EYA2: variants seen among roughly 807,000 people sequenced by gnomAD.
EYA2 encodes the protein EYA transcriptional coactivator and phosphatase 2.
In EYA2, 31 loss-of-function variants were observed where a neutral mutation model predicts 69.2. The ratio of observed to expected loss-of-function variants is 0.45; its 90% confidence interval spans 0.34 to 0.60. The LOEUF is 0.60. Among genes scored for constraint, EYA2 ranks in the 20% least tolerant of loss-of-function variants. The probability of loss-of-function intolerance (pLI) is 0.02; values close to 1 mark genes in which losing one functional copy is unlikely to be tolerated. For synonymous variants in EYA2, 257 were observed against 279.4 expected, an observed-to-expected ratio of 0.92 and a Z score of 0.80; for missense variants, 622 against 701.2, an observed-to-expected ratio of 0.89 and a Z score of 1.28.
chr20:46,963,920 G>A (rs1300305774), intron 1 of EYA2, among the ~76,000 whole-genome samples: 1 of 152,248 alleles, frequency 6.6e-6, no homozygotes, highest in Non-Finnish European at 1.5e-5. Context: ...GACAGAGAGA[G>A]ATGAGGCCCA....
intron 9 of EYA2, among the ~76,000 whole-genome samples, chr20:47,099,847 C>T (rs1245972686): frequency 6.6e-6 from 1 of 151,928 alleles, no homozygotes; most frequent in Non-Finnish European, 1.5e-5. Flanking sequence ...TGTCTTCCTT[C>T]TAGGCTATAA....
At position 46,929,322 on chromosome 20, in the gene EYA2, C is replaced by T. The variant is rs949328400; in HGVS notation, c.-11+34335C>T. On this transcript the variant is annotated intron_variant, in intron 1 of 15. Coordinates refer to ENST00000327619, the MANE Select transcript of EYA2 (RefSeq NM_005244.5). ...ACTGTTTATAGCAGGAGAATTGCAT[C>T]TTGAGGCTGGAGGGAGCACAGGGCT... Among the ~76,000 whole-genome samples, 3 of 151,930 alleles carry T rather than the reference C, an allele frequency of 2.0e-5. 1 individual carries two copies.
intron 1 of EYA2, among the ~76,000 whole-genome samples, chr20:46,923,148 A>G (rs1362430868): frequency 4.6e-5 from 7 of 152,170 alleles, no homozygotes; most frequent in African/African-American, 1.7e-4. Flanking sequence ...CGGGCGGATC[A>G]CTTGAGGCCA....
chr20:46,943,241 G>A (rs576158845), intron 1 of EYA2, among the ~76,000 whole-genome samples: 2 of 152,178 alleles, frequency 1.3e-5, no homozygotes, highest in African/African-American at 2.4e-5. Context: ...ACGATGCACA[G>A]GACATCCCCC....
intron 2 of EYA2, among the ~76,000 whole-genome samples, chr20:47,000,259 T>C (rs1196868346): frequency 6.6e-6 from 1 of 152,242 alleles, no homozygotes; most frequent in Non-Finnish European, 1.5e-5. Context: ...CAGCATCATC[T>C]CATTTAATCC....
chr20:47,063,386 C>CGTGTGTGTGT (rs1228558146), intron 5 of EYA2, among the ~76,000 whole-genome samples: 5 of 93,614 alleles, frequency 5.3e-5, no homozygotes, highest in East Asian at 3.4e-4. Context: ...TGTGTGTGTG[C>CGTGTGTGTGT]GTGTGCGTGT....
At chr20:47,080,688 G>C (rs1464225546) in intron 7 of EYA2, among the ~76,000 whole-genome samples, 3 of 152,156 alleles carry the variant, frequency 2.0e-5, no homozygotes, top group Non-Finnish European at 4.4e-5. Context: ...AGGTTTAATG[G>C]AGAACTCAGT....
chr20:47,054,343 C>T (rs368481612), intron 5 of EYA2, among the ~76,000 whole-genome samples: 5 of 152,164 alleles, frequency 3.3e-5, no homozygotes, highest in African/African-American at 7.2e-5. Context: ...AAATAGATCA[C>T]GTCTCATTCA....
intron 9 of EYA2, among the ~76,000 whole-genome samples, chr20:47,115,596 C>G (rs963685705): frequency 3.3e-5 from 5 of 152,100 alleles, no homozygotes; most frequent in Admixed American, 6.6e-5. Flanking sequence ...ATCCCATCCC[C>G]TTCTCTCCAG....
intron 2 of EYA2, among the ~76,000 whole-genome samples, chr20:46,996,479 C>G (rs575636717): frequency 6.6e-6 from 1 of 152,296 alleles, no homozygotes; most frequent in African/African-American, 2.4e-5. Context: ...ACAATCAGAA[C>G]CTGTGTTTTA....
chr20:47,154,971 G>A (rs948314168), intron 10 of EYA2, among the ~76,000 whole-genome samples: 10 of 151,508 alleles, frequency 6.6e-5, no homozygotes, highest in Middle Eastern at 3.4e-3. Flanking sequence ...TCAGCCTCCC[G>A]AGTAGTTGGG....
chr20:47,172,628 C>T, intron 11 of EYA2, 79 bp from the exon 12 acceptor site: 1 of 1,493,162 alleles, frequency 6.7e-7, no homozygotes, highest in South Asian at 1.3e-5. Context: ...CCGTGGGTCC[C>T]ACAGAGCCTG....
At chr20:46,955,195 G>A (rs140002933) in intron 1 of EYA2, among the ~76,000 whole-genome samples, 2,816 of 148,912 alleles carry the variant, frequency 0.019, 87 homozygotes, top group African/African-American at 0.063. Flanking sequence ...GGAGTGCAAT[G>A]GCGCGATCTC....
intron 5 of EYA2, among the ~76,000 whole-genome samples, chr20:47,052,208 G>A (rs139161360): frequency 5.1e-4 from 77 of 152,262 alleles, no homozygotes; most frequent in African/African-American, 1.7e-3. Context: ...TTTCAGAGGC[G>A]TGCTACTAAA....
At chr20:46,929,576 G>A (rs771296593) in intron 1 of EYA2, among the ~76,000 whole-genome samples, 1 of 152,118 alleles carries the variant, frequency 6.6e-6, no homozygotes, top group Non-Finnish European at 1.5e-5. Flanking sequence ...AAGCATGCAA[G>A]CAGAGCCCGG....
At chr20:47,146,974 A>G (rs1021122231) in intron 10 of EYA2, among the ~76,000 whole-genome samples, 3 of 152,126 alleles carry the variant, frequency 2.0e-5, no homozygotes, top group African/African-American at 7.2e-5. Context: ...AAGAGAGACC[A>G]AGAGAGTCAG....
At chr20:47,080,952 C>G (rs62202507) in intron 7 of EYA2, among the ~76,000 whole-genome samples, 42,156 of 152,152 alleles carry the variant, frequency 0.28, 7,101 homozygotes, top group Non-Finnish European at 0.36. Flanking sequence ...TCCGTAACCT[C>G]GAACTCCTGG....
intron 10 of EYA2, among the ~76,000 whole-genome samples, chr20:47,163,750 G>A (rs1394536184): frequency 1.3e-5 from 2 of 150,782 alleles, no homozygotes; most frequent in East Asian, 1.9e-4. Flanking sequence ...GCACTGCTGG[G>A]TAGGATTCCA....
intron 10 of EYA2, among the ~76,000 whole-genome samples, chr20:47,166,056 G>T (rs970330995): frequency 6.6e-6 from 1 of 151,838 alleles, no homozygotes; most frequent in Admixed American, 6.6e-5. Context: ...AATGAATGAG[G>T]CAGGGGCTTC....
Sources: allele counts gnomAD v4.1 joint callset (sites outside exome capture counted in the v4.1 genomes callset), GRCh38; gene constraint gnomAD v4.1.1; transcripts MANE v1.5; gene names NCBI Gene and HGNC (gene_info 2026-07-23, HGNC 2026-07-21).